Variants in MORN1 observed in about 807,000 individuals in gnomAD.
MORN1 encodes the protein MORN repeat-containing protein 1.
MORN1 carries 67 observed loss-of-function variants against 61.9 expected under a neutral mutation model. That is an observed-to-expected ratio of 1.08 (90% CI 0.89 to 1.33). MORN1 has a LOEUF of 1.33. MORN1 is among the 40% of genes most tolerant of loss of function. The pLI, the probability that MORN1 is intolerant of heterozygous loss-of-function variation, is 0.00. For missense variants in MORN1, 752 were observed against 691.2 expected, an observed-to-expected ratio of 1.09 and a Z score of -0.99; for synonymous variants, 301 against 292.0, an observed-to-expected ratio of 1.03 and a Z score of -0.31.
At chr1:2,365,042 A>T (rs908213733) in intron 8 of MORN1, among the ~76,000 whole-genome samples, 3 of 152,148 alleles carry the variant, frequency 2.0e-5, no homozygotes. Flanking sequence ...TTGGTGATGC[A>T]GGCTCTTTTT....
chr1:2,383,550 G>A lies in MORN1; in HGVS notation c.537+1428C>T, dbSNP rs118065946. ...AATTCAACTGACATTGTAATTCTGC[G>A]ACCCACACAATTAAATGTTGCGTTT... On this transcript the variant is annotated intron_variant, in intron 6 of 13. Transcript: ENST00000378531. Among the ~76,000 whole-genome samples the A allele has an allele frequency of 4.3e-4, 65 of 152,290 alleles. No individual in the cohort carries two copies. The East Asian group carries it at 0.01, about 24-fold the overall frequency.
intron 3 of MORN1, 33 bp downstream of exon 3, chr1:2,388,206 A>C: frequency 6.5e-7 from 1 of 1,540,970 alleles, no homozygotes; most frequent in Non-Finnish European, 8.9e-7. Context: ...GTTATGAGAA[A>C]GGAGTGAATG....
At chr1:2,327,838 C>T (rs908628212) in intron 12 of MORN1, among the ~76,000 whole-genome samples, 2 of 152,386 alleles carry the variant, frequency 1.3e-5, no homozygotes, top group Admixed American at 6.5e-5. Context: ...GCCGCCCTGA[C>T]GGGTGAGGGC....
intron 10 of MORN1, among the ~76,000 whole-genome samples, chr1:2,356,807 G>A (rs1452053377): frequency 3.3e-5 from 5 of 152,216 alleles, no homozygotes; most frequent in African/African-American, 4.8e-5. Flanking sequence ...GAGGGATTAA[G>A]CTTTGATTCA....
At chr1:2,359,882 CA>C (rs59233224) in intron 8 of MORN1, among the ~76,000 whole-genome samples, 88 of 136,436 alleles carry the variant, frequency 6.4e-4, no homozygotes, top group East Asian at 1.3e-3. Flanking sequence ...GACTCCGTCT[CA>C]AAAAAAAAAA....
At chr1:2,389,269 CT>C (rs887779555) in intron 2 of MORN1, among the ~76,000 whole-genome samples, 1 of 152,170 alleles carries the variant, frequency 6.6e-6, no homozygotes, top group African/African-American at 2.4e-5. Flanking sequence ...TTTATACTTG[CT>C]TTTTTTGTTC....
chr1:2,384,011 TCTC>T (rs1642431312), intron 6 of MORN1, among the ~76,000 whole-genome samples: 1 of 152,184 alleles, frequency 6.6e-6, no homozygotes, highest in Admixed American at 6.5e-5. Context: ...TGCTCTTCCT[TCTC>T]CTGCCCTTTT....
At chr1:2,386,121 G>A (rs1642492925) in intron 4 of MORN1, 6 of 557,570 alleles carry the variant, frequency 1.1e-5, no homozygotes, top group Admixed American at 9.2e-5. Flanking sequence ...ATGTGCTTTG[G>A]GACAGGTCGG....
At chr1:2,364,131 C>T (rs1021993706) in intron 8 of MORN1, among the ~76,000 whole-genome samples, 20 of 151,962 alleles carry the variant, frequency 1.3e-4, no homozygotes, top group Non-Finnish European at 1.5e-5. Context: ...TAATGCTAGT[C>T]AAAAGAAATA....
At chr1:2,391,083 G>A (rs1642645354) in intron 1 of MORN1, among the ~76,000 whole-genome samples, 1 of 152,244 alleles carries the variant, frequency 6.6e-6, no homozygotes, top group Admixed American at 6.5e-5. Flanking sequence ...CAGGAAGTCA[G>A]GAGGCTTGGT....
chr1:2,342,789 G>A (rs1641422159), intron 10 of MORN1, among the ~76,000 whole-genome samples: 1 of 151,806 alleles, frequency 6.6e-6, no homozygotes, highest in Non-Finnish European at 1.5e-5. Context: ...TCACCGAGAA[G>A]GGACCTGGGC....
At chr1:2,356,817 A>C (rs1320557902) in intron 10 of MORN1, among the ~76,000 whole-genome samples, 1 of 152,186 alleles carries the variant, frequency 6.6e-6, no homozygotes, top group Non-Finnish European at 1.5e-5. Flanking sequence ...GCTTTGATTC[A>C]ACTCCATGAG....
In MORN1 at chr1:2,387,461, C is replaced by G. The variant is rs200309753; in HGVS notation, c.316G>C (p.Gly106Arg). The change falls in exon 4 of 14, where the codon GGC (glycine) becomes CGC (arginine). Residue 106 changes from glycine to arginine, a missense_variant. Coordinates refer to ENST00000378531, the MANE Select transcript of MORN1 (RefSeq NM_024848.3). Reference protein sequence around the residue: ...QGYGVMEYKAGGCYEGEVSHG... With the variant: ...QGYGVMEYKARGCYEGEVSHG... Reference sequence around the variant, plus strand: ...GAGACCTCCCCTTCATAACATCCGCCGGCTTTGTACTCCATGACGCCGTAG... The same window carrying G: ...GAGACCTCCCCTTCATAACATCCGCGGGCTTTGTACTCCATGACGCCGTAG... The G allele has an allele frequency of 6.2e-7, 1 of 1,613,772 alleles. No homozygotes were observed. The highest frequency in any genetic ancestry group is 1.1e-5 in the South Asian group (1 of 91,086).
chr1:2,343,556 G>A (rs1275650532), intron 10 of MORN1, among the ~76,000 whole-genome samples: 4 of 152,202 alleles, frequency 2.6e-5, no homozygotes, highest in East Asian at 1.9e-4. Context: ...GCCAAGGTCC[G>A]GGGCTCCCTG....
intron 12 of MORN1, among the ~76,000 whole-genome samples, chr1:2,331,402 T>A (rs1641145043): frequency 6.6e-6 from 1 of 152,200 alleles, no homozygotes; most frequent in African/African-American, 2.4e-5. Flanking sequence ...CTCCCTGACA[T>A]CCTTGGACCT....
At chr1:2,336,385 G>T in intron 12 of MORN1, 84 bp downstream of exon 12, 2 of 1,405,066 alleles carry the variant, frequency 1.4e-6, no homozygotes, top group Non-Finnish European at 2.0e-6. Context: ...GCTCCCCTGG[G>T]CCTTCCCCGT....
chr1:2,348,373 T>A (rs532045643), intron 10 of MORN1, among the ~76,000 whole-genome samples: 81 of 152,040 alleles, frequency 5.3e-4, no homozygotes, highest in African/African-American at 1.9e-3. Context: ...ACCAGTGGAG[T>A]CCACCGTGAG....
At chr1:2,353,626 C>G (rs184224549) in intron 10 of MORN1, among the ~76,000 whole-genome samples, 113 of 152,370 alleles carry the variant, frequency 7.4e-4, no homozygotes, top group Non-Finnish European at 1.0e-3. Context: ...GCTGTCCTGG[C>G]TGGAACTGAA....
In MORN1 at chr1:2,323,659, C is replaced by T. The variant is rs76197532; in HGVS notation, c.1297+438G>A. The stretch of plus-strand genomic sequence containing the variant: ...CCCCTCCTTGCTGTCCCCACAGCAG[C>T]CCCCACGCTGGGAGGAGCCTTCCGC... On this transcript the variant is annotated intron_variant, in intron 13 of 13. Transcript: ENST00000378531. The T allele has an allele frequency of 2.1e-3, 2,092 of 985,250 alleles. 36 individuals are homozygous for T. In the African/African-American group the frequency reaches 0.033, roughly 15 times the overall value. 61.0% of individuals were successfully genotyped at this position (985,250 alleles called of 1,614,324 possible). A position where few individuals can be genotyped will look rare whatever the true frequency, so the allele number is the denominator to read the frequency against.
Sources: allele counts gnomAD v4.1 joint callset (sites outside exome capture counted in the v4.1 genomes callset), GRCh38; gene constraint gnomAD v4.1.1; transcripts MANE v1.5; gene names NCBI Gene and HGNC (gene_info 2026-07-23, HGNC 2026-07-21).